Variants in CSMD1 observed in about 807,000 individuals in gnomAD.
The protein encoded by CSMD1 is CUB and Sushi multiple domains 1.
Under a neutral mutation model 417.5 loss-of-function variants are expected in CSMD1, and 213 were observed. The ratio of observed to expected loss-of-function variants is 0.51; its 90% confidence interval spans 0.46 to 0.57. CSMD1 has a LOEUF of 0.57. Among genes scored for constraint, CSMD1 ranks in the 20% least tolerant of loss-of-function variants. The pLI is 0.00. For missense variants in CSMD1, 6,923 were observed against 4,529.7 expected, an observed-to-expected ratio of 1.53 and a Z score of -15.17; for synonymous variants, 2,862 against 1,736.8, an observed-to-expected ratio of 1.65 and a Z score of -16.11.
intron 23 of CSMD1, among the ~76,000 whole-genome samples, chr8:3,325,090 A>G (rs1480364962): frequency 1.3e-5 from 2 of 152,178 alleles, no homozygotes; most frequent in Admixed American, 6.5e-5. Context: ...ATTTTAGAAC[A>G]TTTTTTCTTT....
At position 3,170,301 on chromosome 8, in the gene CSMD1, G is replaced by A. The variant is rs368221704; in HGVS notation, c.5726-8024C>T. ...TGGCTCACTGCAAGCTCCGCCTCCC[G>A]GGTTCACACCATTCTCCCGCCTCAG... On this transcript the variant is annotated intron_variant, in intron 37 of 69. Transcript: ENST00000635120. Among the ~76,000 whole-genome samples, 559 of 152,194 alleles carry A rather than the reference G, an allele frequency of 3.7e-3. 7 individuals carry two copies. Among genetic ancestry groups the A allele is most frequent in the African/African-American group, 0.012 (501 of 41,512 alleles).
At chr8:3,685,991 T>C (rs1304540738) in intron 7 of CSMD1, among the ~76,000 whole-genome samples, 1 of 152,080 alleles carries the variant, frequency 6.6e-6, no homozygotes, top group Non-Finnish European at 1.5e-5. Context: ...CCAAATAAAA[T>C]ATATTATTCT....
chr8:4,057,254 G>C (rs1325723385), intron 3 of CSMD1, among the ~76,000 whole-genome samples: 3 of 152,124 alleles, frequency 2.0e-5, no homozygotes, highest in Non-Finnish European at 4.4e-5. Flanking sequence ...ATCTCATTGT[G>C]GTTTTGATTT....
intron 1 of CSMD1, among the ~76,000 whole-genome samples, chr8:4,824,916 T>C (rs1430266469): frequency 6.6e-6 from 1 of 152,072 alleles, no homozygotes; most frequent in East Asian, 1.9e-4. Context: ...GCTACACAAA[T>C]GCTAACGTAA....
At chr8:3,679,731 C>T (rs1799555940) in intron 7 of CSMD1, among the ~76,000 whole-genome samples, 1 of 152,210 alleles carries the variant, frequency 6.6e-6, no homozygotes, top group East Asian at 1.9e-4. Context: ...ACAGAATATA[C>T]ATTCTTCTCA....
chr8:4,163,349 C>G (rs1238171000), intron 3 of CSMD1, among the ~76,000 whole-genome samples: 2 of 152,180 alleles, frequency 1.3e-5, no homozygotes, highest in East Asian at 3.9e-4. Context: ...GCATTCCCAT[C>G]AGCCATAACT....
chr8:3,609,750 AAC>A (rs1389175803), intron 8 of CSMD1, among the ~76,000 whole-genome samples: 29 of 137,796 alleles, frequency 2.1e-4, no homozygotes, highest in Non-Finnish European at 3.4e-4. Flanking sequence ...AAAAAAAAAA[AAC>A]CGAATTACCT....
intron 49 of CSMD1, among the ~76,000 whole-genome samples, chr8:3,076,229 C>T (rs1270946466): frequency 6.6e-6 from 1 of 152,156 alleles, no homozygotes; most frequent in East Asian, 1.9e-4. Context: ...CTGCCTGACC[C>T]TATCTCCTTT....
chr8:4,807,901 A>T (rs978768180), intron 1 of CSMD1, among the ~76,000 whole-genome samples: 1 of 152,124 alleles, frequency 6.6e-6, no homozygotes, highest in Non-Finnish European at 1.5e-5. Flanking sequence ...TCCATGAGGG[A>T]AGTACAAGCT....
chr8:4,363,189 C>T (rs1425907903), intron 3 of CSMD1, among the ~76,000 whole-genome samples: 4 of 152,098 alleles, frequency 2.6e-5, no homozygotes, highest in Non-Finnish European at 5.9e-5. Flanking sequence ...CAGGAAATGC[C>T]ACCATTTTGT....
intron 7 of CSMD1, among the ~76,000 whole-genome samples, chr8:3,686,450 C>T (rs1435931112): frequency 6.6e-6 from 1 of 152,084 alleles, no homozygotes. Flanking sequence ...GAATATGCCA[C>T]CCCACCATAT....
At position 3,820,725 on chromosome 8, in the gene CSMD1, G is replaced by A. The variant is rs986156652; in HGVS notation, c.819-66683C>T. On this transcript the variant is annotated intron_variant, in intron 5 of 69. Transcript: ENST00000635120. ...TGAGTAGCTGGGACTACAGGCATGC[G>A]CCACCGTGCCTGGCAAATTGTTGTA... Among the ~76,000 whole-genome samples the A allele has an allele frequency of 7.9e-5, 12 of 152,160 alleles. 1 individual carries two copies. The highest frequency in any genetic ancestry group is 2.6e-4 in the Admixed American group (4 of 15,292).
chr8:3,791,172 G>C (rs916700315), intron 5 of CSMD1, among the ~76,000 whole-genome samples: 3 of 152,150 alleles, frequency 2.0e-5, no homozygotes, highest in African/African-American at 7.2e-5. Context: ...TTATATTTTA[G>C]GAGCATTTAG....
intron 65 of CSMD1, 21 bp from the exon 66 acceptor site, chr8:2,951,296 G>C: frequency 6.3e-7 from 1 of 1,588,510 alleles, no homozygotes; most frequent in Non-Finnish European, 8.6e-7. Flanking sequence ...GGGGGAAACA[G>C]ACCAATGTCA....
intron 1 of CSMD1, among the ~76,000 whole-genome samples, chr8:4,691,948 T>C (rs150852459): frequency 5.5e-4 from 84 of 152,322 alleles, no homozygotes; most frequent in African/African-American, 1.9e-3. Context: ...TTATGGCAAA[T>C]AAACTGCAGC....
At chr8:4,640,923 C>G (rs781024387) in intron 1 of CSMD1, among the ~76,000 whole-genome samples, 10 of 149,716 alleles carry the variant, frequency 6.7e-5, no homozygotes, top group Non-Finnish European at 1.2e-4. Flanking sequence ...CCGGAAGTCA[C>G]CCTGAAATAA....
intron 1 of CSMD1, among the ~76,000 whole-genome samples, chr8:4,991,373 T>G (rs1811454067): frequency 6.6e-6 from 1 of 152,230 alleles, no homozygotes; most frequent in Non-Finnish European, 1.5e-5. Context: ...CAACGCTTTA[T>G]TGAAGAGTAC....
At chr8:3,739,572 G>A (rs919057581) in intron 6 of CSMD1, among the ~76,000 whole-genome samples, 1 of 152,080 alleles carries the variant, frequency 6.6e-6, no homozygotes, top group African/African-American at 2.4e-5. Context: ...TTAAATCTGG[G>A]AATGCTTAAG....
intron 10 of CSMD1, among the ~76,000 whole-genome samples, chr8:3,532,069 G>A (rs1263114091): frequency 6.6e-6 from 1 of 152,190 alleles, no homozygotes; most frequent in East Asian, 1.9e-4. Flanking sequence ...CTCATGATTA[G>A]CTCGTCTATG....
Sources: gnomAD v4.1 joint callset for allele counts (sites outside exome capture counted in the v4.1 genomes callset) on GRCh38, gnomAD v4.1.1 for gene constraint, MANE v1.5 for transcripts, NCBI Gene and HGNC (gene_info 2026-07-23, HGNC 2026-07-21) for gene names.